Variants in CFH observed in about 807,000 individuals in gnomAD.
CFH encodes H factor 1 (complement).
CFH carries 53 observed loss-of-function variants against 147.3 expected under a neutral mutation model. The observed-to-expected ratio is 0.36, with a 90% confidence interval of 0.29 to 0.45. CFH has a LOEUF of 0.45. Ranked by LOEUF, CFH falls within the 20% of genes least tolerant of loss-of-function variation. CFH has a pLI of 1.00. For synonymous variants in CFH, 536 were observed against 489.4 expected (o/e 1.10, Z -1.26); for missense variants, 1,380 against 1,498.0 (o/e 0.92, Z 1.30).
At chr1:196,673,293 T>C in intron 2 of CFH, 130 bp downstream of exon 2, 1 of 925,520 alleles carries the variant, frequency 1.1e-6, no homozygotes, top group African/African-American at 1.7e-5. Flanking sequence ...CATAATCTTT[T>C]TTTTTTGTTT....
intron 9 of CFH, 69 bp from the exon 10 acceptor site, chr1:196,713,666 T>A (rs1298776809): frequency 1.0e-5 from 10 of 987,466 alleles, no homozygotes; most frequent in Non-Finnish European, 1.5e-5. Flanking sequence ...TATATTTACA[T>A]ATTACTTAAA....
chr1:196,711,591 T>A (rs5002880), intron 9 of CFH, among the ~76,000 whole-genome samples: 3,046 of 152,088 alleles, frequency 0.02, 97 homozygotes, highest in African/African-American at 0.069. Flanking sequence ...TAGGTTTGTT[T>A]TGGGTCAACT....
At chr1:196,665,382 TATAG>T (rs1481479877) in intron 1 of CFH, among the ~76,000 whole-genome samples, 3 of 150,906 alleles carry the variant, frequency 2.0e-5, no homozygotes, top group Non-Finnish European at 4.4e-5. Flanking sequence ...TAAATATAAT[TATAG>T]ATAGATGGCA....
At chr1:196,720,236 A>T (rs1668967967) in intron 11 of CFH, among the ~76,000 whole-genome samples, 1 of 151,874 alleles carries the variant, frequency 6.6e-6, no homozygotes, top group Admixed American at 6.6e-5. Flanking sequence ...ACTTCTTAAG[A>T]TATTTCCATG....
At chr1:196,744,459 G>A (rs1254372925) in intron 20 of CFH, among the ~76,000 whole-genome samples, 1 of 152,014 alleles carries the variant, frequency 6.6e-6, no homozygotes, top group Non-Finnish European at 1.5e-5. Context: ...CGATTCATAT[G>A]TATTGTTTTC....
intron 6 of CFH, among the ~76,000 whole-genome samples, chr1:196,683,600 T>C (rs899083197): frequency 3.3e-5 from 5 of 151,604 alleles, no homozygotes; most frequent in African/African-American, 1.2e-4. Context: ...TTTAAGAGTG[T>C]GGTTGATAAG....
At chr1:196,703,675 G>A (rs562464350) in intron 9 of CFH, among the ~76,000 whole-genome samples, 1 of 152,214 alleles carries the variant, frequency 6.6e-6, no homozygotes, top group African/African-American at 2.4e-5. Context: ...TTGTCAGCTA[G>A]AGTAAGATCA....
At chr1:196,734,165 G>C (rs994054088) in intron 15 of CFH, among the ~76,000 whole-genome samples, 3 of 152,122 alleles carry the variant, frequency 2.0e-5, no homozygotes, top group Admixed American at 6.6e-5. Context: ...GTGGTGCAGT[G>C]AACAAGGCTG....
chr1:196,676,249 A>G lies in CFH; in HGVS notation c.427+184A>G, dbSNP rs112470686. 7.9e-5 allele frequency among the ~76,000 whole-genome samples: 12 copies of G among 152,244 alleles called. 1 individual carries two copies. Among genetic ancestry groups the G allele is most frequent in the African/African-American group, 2.6e-4 (11 of 41,558 alleles). ...ATTCTTGGTGTTTCAAAAGCCAAAAACGAATGCAGCCTGATCTGATATAAT... is the reference window on the plus strand; with the variant it reads ...ATTCTTGGTGTTTCAAAAGCCAAAAGCGAATGCAGCCTGATCTGATATAAT... On this transcript the variant is annotated intron_variant, in intron 4 of 21. Transcript: ENST00000367429.
intron 11 of CFH, among the ~76,000 whole-genome samples, chr1:196,719,282 A>C (rs1668943257): frequency 6.6e-6 from 1 of 152,028 alleles, no homozygotes; most frequent in African/African-American, 2.4e-5. Flanking sequence ...CCTTTTTAAG[A>C]TAATGCTTTT....
At chr1:196,672,893 G>A in intron 1 of CFH, 85 bp from the exon 2 acceptor site, 2 of 1,088,266 alleles carry the variant, frequency 1.8e-6, no homozygotes, top group Non-Finnish European at 2.7e-6. Flanking sequence ...GACTGTCTAG[G>A]CATTTTTAAA....
chr1:196,714,692 GA>G (rs1558173518), intron 10 of CFH, among the ~76,000 whole-genome samples: 57 of 112,606 alleles, frequency 5.1e-4, no homozygotes, highest in African/African-American at 1.8e-3. Context: ...GAGAGAGAGA[GA>G]GAGAGAGAGA....
intron 9 of CFH, among the ~76,000 whole-genome samples, chr1:196,699,806 T>G (rs1366802916): frequency 1.3e-5 from 2 of 152,126 alleles, no homozygotes; most frequent in Non-Finnish European, 2.9e-5. Context: ...CTCAAAAAAT[T>G]TTTAAAAACA....
At position 196,736,982 on chromosome 1, in the gene CFH, T is replaced by C; in HGVS notation, c.2572T>C (p.Trp858Arg). The change falls in exon 16 of 22, where the codon TGG becomes CGG. Residue 858 changes from tryptophan (W) to arginine (R), a missense_variant. This residue lies in a region of CFH where 830 missense variants were observed against 821.4 expected (regional missense o/e 1.01). Coordinates refer to ENST00000367429, the MANE Select transcript of CFH (RefSeq NM_000186.4). ...AGAAATTACATGCAAAGATGGAAGA[T>C]GGCAGTCAATACCACTCTGTGTTGG... ...GEEITCKDGR[W>R]QSIPLCVEKI... 6.2e-7 allele frequency: 1 copy of C among 1,610,760 alleles called. No homozygotes were observed. The highest frequency in any genetic ancestry group is 1.1e-5 in the South Asian group (1 of 90,962).
chr1:196,677,673 A>G lies in CFH; in HGVS notation c.619+6A>G. ...AGAGAAACCAAAGTGTGTGGGTAAGATACACTTACTGTTTTAGTATTTTTA... is the reference window on the plus strand; with the variant it reads ...AGAGAAACCAAAGTGTGTGGGTAAGGTACACTTACTGTTTTAGTATTTTTA... On this transcript the variant is annotated splice_donor_region_variant and intron_variant, in intron 5 of 21. Transcript: ENST00000367429. The G allele has an allele frequency of 6.2e-7, 1 of 1,611,652 alleles. No homozygotes were observed. The highest frequency in any genetic ancestry group is 1.3e-5 in the African/African-American group (1 of 74,954).
chr1:196,707,685 G>A (rs1053796985), intron 9 of CFH, among the ~76,000 whole-genome samples: 6 of 152,208 alleles, frequency 3.9e-5, no homozygotes, highest in African/African-American at 1.2e-4. Flanking sequence ...CAACTTCAGA[G>A]ACTGTCTCAA....
chr1:196,658,909 T>G (rs1312173384), intron 1 of CFH, among the ~76,000 whole-genome samples: 2 of 152,136 alleles, frequency 1.3e-5, no homozygotes, highest in Non-Finnish European at 2.9e-5. Flanking sequence ...CCAAATGAAT[T>G]AAAGCTTCAC....
Position 196,747,225 on chromosome 1 carries a change from G to A in CFH, c.3608G>A (p.Arg1203Gln), listed in dbSNP as rs1238640278. The A allele has an allele frequency of 6.2e-6, 10 of 1,613,892 alleles. No individual in the cohort carries two copies. Among genetic ancestry groups the A allele is most frequent in the East Asian group, 2.2e-5 (1 of 44,852 alleles). The change falls in exon 22 of 22, where the codon CGG becomes CAG. Residue 1203 changes from arginine (R) to glutamine (Q), a missense_variant. Around this residue, in one of 4 missense-constraint regions of CFH, gnomAD observed 123 missense variants for 185.3 expected, o/e 0.66. Transcript: ENST00000367429. ...TGESVEFVCK[R>Q]GYRLSSRSHT... ...GAATCAGTTGAATTTGTGTGTAAAC[G>A]GGGATATCGTCTTTCATCACGTTCT...
chr1:196,712,614 A>G (rs1335841476), intron 9 of CFH, among the ~76,000 whole-genome samples: 2 of 150,864 alleles, frequency 1.3e-5, no homozygotes, highest in African/African-American at 2.4e-5. Context: ...TTGGGTTATT[A>G]TTATTATTAT....
Sources: allele counts gnomAD v4.1 joint callset (sites outside exome capture counted in the v4.1 genomes callset), GRCh38; gene constraint gnomAD v4.1.1; regional missense constraint gnomAD v4.1.1; transcripts MANE v1.5; gene names NCBI Gene and HGNC (gene_info 2026-07-23, HGNC 2026-07-21).